The following STXBP5L variants were observed in gnomAD, a reference collection of about 807,000 sequenced individuals.
STXBP5L encodes syntaxin binding protein 5L, also known as syntaxin-binding protein 5-like.
In STXBP5L, 65 loss-of-function variants were observed where a neutral mutation model predicts 144.5. The observed-to-expected ratio is 0.45, with a 90% CI of 0.37 to 0.55. The LOEUF is 0.55. Among genes scored for constraint, STXBP5L ranks in the 20% least tolerant of loss-of-function variants. The probability of loss-of-function intolerance (pLI) is 0.00; values close to 1 mark genes in which losing one functional copy is unlikely to be tolerated. For missense variants in STXBP5L, 1,298 were observed against 1,405.5 expected, an observed-to-expected ratio of 0.92 and a Z score of 1.22; for synonymous variants, 505 against 469.6, an observed-to-expected ratio of 1.08 and a Z score of -0.97.
chr3:120,988,773 C>G (rs1942548695), intron 3 of STXBP5L, among the ~76,000 whole-genome samples: 1 of 151,972 alleles, frequency 6.6e-6, no homozygotes, highest in South Asian at 2.1e-4. Context: ...CAAATAGTGT[C>G]CATTGTACCC....
At chr3:121,156,616 G>C (rs2046120843) in intron 8 of STXBP5L, among the ~76,000 whole-genome samples, 1 of 151,894 alleles carries the variant, frequency 6.6e-6, no homozygotes, top group East Asian at 1.9e-4. Flanking sequence ...GCTAGCATTG[G>C]GAATACAATA....
chr3:121,068,922 C>T (rs1200390356), intron 5 of STXBP5L, among the ~76,000 whole-genome samples: 1 of 151,984 alleles, frequency 6.6e-6, no homozygotes, highest in Non-Finnish European at 1.5e-5. Context: ...ATAATAGTTG[C>T]AGATTTGTAG....
chr3:120,982,565 T>C (rs1267220499), intron 3 of STXBP5L, among the ~76,000 whole-genome samples: 1 of 152,210 alleles, frequency 6.6e-6, no homozygotes, highest in African/African-American at 2.4e-5. Context: ...ACAGTGTAAC[T>C]GAGGGCTGCA....
intron 9 of STXBP5L, among the ~76,000 whole-genome samples, chr3:121,199,755 C>G (rs1408324004): frequency 6.6e-6 from 1 of 151,978 alleles, no homozygotes; most frequent in African/African-American, 2.4e-5. Flanking sequence ...TGGTTTTTGT[C>G]ATTCGATCTG....
In STXBP5L at chr3:121,298,921, T is replaced by A. The variant is rs569420693; in HGVS notation, c.2110+18965T>A. Among the ~76,000 whole-genome samples, 9 of 152,340 alleles carry A rather than the reference T, an allele frequency of 5.9e-5. No individual in the cohort carries two copies. In the East Asian group the frequency reaches 1.2e-3, roughly 20 times the overall value. On this transcript the variant is annotated intron_variant, in intron 19 of 26. Coordinates refer to ENST00000471454, the MANE Select transcript of STXBP5L (RefSeq NM_001308330.2). ...GGTAGATTTCATGTTGTGTGTTTTT[T>A]ACCATTGAATATATGTGTTGATTAT...
chr3:121,167,334 G>C (rs1443949532), intron 9 of STXBP5L, among the ~76,000 whole-genome samples: 1 of 151,906 alleles, frequency 6.6e-6, no homozygotes, highest in Admixed American at 6.6e-5. Flanking sequence ...AACAACCATT[G>C]GAATCCATCC....
intron 19 of STXBP5L, among the ~76,000 whole-genome samples, chr3:121,301,200 G>C (rs1011497306): frequency 6.6e-6 from 1 of 152,162 alleles, no homozygotes; most frequent in Middle Eastern, 3.2e-3. Flanking sequence ...TCTTCCATTT[G>C]TTTGTATCCT....
intron 20 of STXBP5L, among the ~76,000 whole-genome samples, chr3:121,345,536 G>C (rs1444746106): frequency 6.6e-6 from 1 of 152,088 alleles, no homozygotes; most frequent in Non-Finnish European, 1.5e-5. Flanking sequence ...TAATGGGATT[G>C]CTGGGTCAAA....
intron 3 of STXBP5L, among the ~76,000 whole-genome samples, chr3:120,972,114 G>A (rs1486425087): frequency 6.6e-6 from 1 of 151,930 alleles, no homozygotes. Flanking sequence ...GAATGATGTT[G>A]GCATTGGTAA....
At chr3:121,187,243 C>T in intron 9 of STXBP5L, among the ~76,000 whole-genome samples, 1 of 152,010 alleles carries the variant, frequency 6.6e-6, no homozygotes, top group Non-Finnish European at 1.5e-5. Flanking sequence ...GAGTTCATGT[C>T]CTTTGTAGGG....
intron 3 of STXBP5L, among the ~76,000 whole-genome samples, chr3:120,978,443 T>C (rs950297627): frequency 2.6e-5 from 4 of 152,180 alleles, no homozygotes; most frequent in Admixed American, 6.5e-5. Flanking sequence ...GTTATACATT[T>C]GTCTAAATTT....
At chr3:120,929,037 T>C (rs927401838) in intron 2 of STXBP5L, among the ~76,000 whole-genome samples, 28 of 152,220 alleles carry the variant, frequency 1.8e-4, no homozygotes, top group African/African-American at 6.3e-4. Flanking sequence ...TATGTTCTTA[T>C]TGTAAGTTGT....
intron 19 of STXBP5L, among the ~76,000 whole-genome samples, chr3:121,304,442 G>A (rs1168394024): frequency 1.3e-5 from 2 of 152,040 alleles, no homozygotes; most frequent in Admixed American, 6.5e-5. Context: ...ATGTAAACAC[G>A]TAACATTCAC....
intron 3 of STXBP5L, among the ~76,000 whole-genome samples, chr3:120,988,003 G>T (rs1216941565): frequency 6.6e-6 from 1 of 150,960 alleles, no homozygotes; most frequent in Non-Finnish European, 1.5e-5. Flanking sequence ...TTTGTTTGTT[G>T]CCTTCATCTT....
intron 2 of STXBP5L, among the ~76,000 whole-genome samples, chr3:120,910,708 A>C (rs1376570565): frequency 6.6e-6 from 1 of 152,156 alleles, no homozygotes; most frequent in African/African-American, 2.4e-5. Flanking sequence ...GAAATTATTA[A>C]AATTATATTT....
chr3:121,045,215 G>A (rs1218213522), intron 4 of STXBP5L, among the ~76,000 whole-genome samples: 3 of 152,000 alleles, frequency 2.0e-5, no homozygotes, highest in Admixed American at 6.6e-5. Context: ...CCTTAAGCTA[G>A]TCTCCCTGAC....
rs759485141 is a variant in STXBP5L at position 121,419,024 on chromosome 3, A to G, written c.3448-32A>G. 2.5e-6 allele frequency: 4 copies of G among 1,604,200 alleles called. No individual in the cohort carries two copies. The South Asian group carries it at 3.4e-5, about 14-fold the overall frequency. Reference sequence around the variant, plus strand: ...TTGAATAGCACTTTTAAAGTATTTTAGCGTCTTATGGTGGCTATTTTTTCT... The same window carrying G: ...TTGAATAGCACTTTTAAAGTATTTTGGCGTCTTATGGTGGCTATTTTTTCT... On this transcript the variant is annotated intron_variant, in intron 26 of 26. Coordinates refer to ENST00000471454, the MANE Select transcript of STXBP5L (RefSeq NM_001308330.2).
chr3:121,218,199 A>G (rs1364597043), intron 10 of STXBP5L, among the ~76,000 whole-genome samples: 7 of 142,612 alleles, frequency 4.9e-5, no homozygotes, highest in East Asian at 2.0e-4. Flanking sequence ...TAGTATATAT[A>G]TTACTATATA....
chr3:121,420,073 T>C lies in STXBP5L; in HGVS notation c.*976T>C, dbSNP rs919186342. The C allele has an allele frequency of 6.6e-6, 1 of 152,214 alleles. No homozygotes were observed. The highest frequency in any genetic ancestry group is 2.4e-5 in the African/African-American group (1 of 41,462). The allele number at this position is 152,214 out of a possible 1,614,324, so 9.4% of individuals were successfully genotyped here. On this transcript the variant is annotated 3_prime_UTR_variant, in exon 27 of 27. Coordinates refer to ENST00000471454, the MANE Select transcript of STXBP5L (RefSeq NM_001308330.2). ...GTCTGCCAGTTACACAGTATATTAC[T>C]GTTCAAACCCAGTAGGGTCTGCAAT... is the stretch of plus-strand genomic sequence containing the variant.
Sources: gnomAD v4.1 joint callset for allele counts (sites outside exome capture counted in the v4.1 genomes callset) on GRCh38, gnomAD v4.1.1 for gene constraint, MANE v1.5 for transcripts, NCBI Gene and HGNC (gene_info 2026-07-23, HGNC 2026-07-21) for gene names.